FIP1L1: variants seen among roughly 807,000 people sequenced by gnomAD.
FIP1L1 encodes the protein factor interacting with PAPOLA and CPSF1.
FIP1L1 carries 21 observed loss-of-function variants against 84.6 expected under a neutral mutation model. That is an observed-to-expected ratio of 0.25 (90% confidence interval 0.18 to 0.36). The LOEUF (loss-of-function observed/expected upper bound fraction) is 0.36, where lower values mean the gene tolerates loss of function less well. Among genes scored for constraint, FIP1L1 ranks in the 10% least tolerant of loss-of-function variants. FIP1L1 has a pLI of 1.00. For missense variants in FIP1L1, 526 were observed against 751.1 expected (o/e 0.70, Z 3.50); for synonymous variants, 263 against 242.3 (o/e 1.09, Z -0.80).
chr4:53,396,153 A>G (rs112755837), intron 9 of FIP1L1, among the ~76,000 whole-genome samples: 2 of 152,030 alleles, frequency 1.3e-5, no homozygotes, highest in African/African-American at 4.8e-5. Context: ...TTCTGACCTC[A>G]GGTGATCCAC....
intron 10 of FIP1L1, among the ~76,000 whole-genome samples, chr4:53,407,586 G>T (rs529948029): frequency 6.6e-6 from 1 of 150,400 alleles, no homozygotes; most frequent in Non-Finnish European, 1.5e-5. Context: ...TGTCTCGTTG[G>T]TCTGTCTAAT....
At position 53,443,631 on chromosome 4, in the gene FIP1L1, A is replaced by G. The variant is rs1281164817; in HGVS notation, c.1230-417A>G. ...TTTAGTTTTATTGAGTGTCTGTTAGACACATTTATTTTCTCAGTCAAAATG... is the reference window on the plus strand; with the variant it reads ...TTTAGTTTTATTGAGTGTCTGTTAGGCACATTTATTTTCTCAGTCAAAATG... On this transcript the variant is annotated intron_variant, in intron 14 of 17. Coordinates refer to ENST00000337488, the MANE Select transcript of FIP1L1 (RefSeq NM_030917.4). Among the ~76,000 whole-genome samples, 18 of 152,140 alleles carry G rather than the reference A, an allele frequency of 1.2e-4. 1 individual carries two copies. The highest frequency in any genetic ancestry group is 1.2e-3 in the Admixed American group (18 of 15,274).
intron 13 of FIP1L1, among the ~76,000 whole-genome samples, chr4:53,435,457 A>G (rs1768709597): frequency 1.3e-5 from 2 of 152,142 alleles, no homozygotes; most frequent in African/African-American, 4.8e-5. Flanking sequence ...TTTCTTTACA[A>G]GTTCTCTATT....
chr4:53,416,244 T>G (rs958725913), intron 11 of FIP1L1, among the ~76,000 whole-genome samples: 1 of 152,214 alleles, frequency 6.6e-6, no homozygotes, highest in African/African-American at 2.4e-5. Flanking sequence ...GGACAGCCTA[T>G]TTACTGAACC....
At chr4:53,385,781 G>A (rs1296215532) in intron 5 of FIP1L1, among the ~76,000 whole-genome samples, 3 of 152,058 alleles carry the variant, frequency 2.0e-5, no homozygotes, top group Admixed American at 6.6e-5. Flanking sequence ...CCCTCTATGC[G>A]TTTACCCATT....
At position 53,399,754 on chromosome 4, in the gene FIP1L1, T is replaced by C; in HGVS notation, c.730T>C (p.Ser244Pro). ...GGTACAGCAGGGAAGAACTGGAAAC[T>C]CAGAGAAAGAAACTGCCCTTCCATC... ...FKVQQGRTGN[S>P]EKETALPSTK... Residue 244 changes from serine (S) to proline (P), a missense_variant, in exon 10 of 18, where the codon TCA (serine) becomes CCA (proline). Coordinates refer to ENST00000337488, the MANE Select transcript of FIP1L1 (RefSeq NM_030917.4). 5 of 1,613,144 alleles carry C rather than the reference T, an allele frequency of 3.1e-6. No homozygotes were observed. The highest frequency in any genetic ancestry group is 4.2e-6 in the Non-Finnish European group (5 of 1,179,318).
chr4:53,402,531 A>G (rs137932138), intron 10 of FIP1L1, among the ~76,000 whole-genome samples: 4 of 152,270 alleles, frequency 2.6e-5, no homozygotes, highest in Non-Finnish European at 2.9e-5. Flanking sequence ...GCAAAACCCC[A>G]TCTCAACTAA....
chr4:53,452,983 A>C lies in FIP1L1; in HGVS notation c.1349A>C (p.Gln450Pro). 1 of 1,613,796 alleles carries C rather than the reference A, an allele frequency of 6.2e-7. No homozygotes were observed. Residue 450 changes from glutamine (Q) to proline (P), a missense_variant, in exon 16 of 18, where the codon CAG becomes CCG. Gln to Pro is a moderately conservative substitution (Grantham distance 76). Transcript: ENST00000337488. ...SWPSLVDTSK[Q>P]WDYYARREKD... The stretch of plus-strand genomic sequence containing the variant: ...CCTAGTCTTGTGGACACCAGCAAGC[A>C]GTGGGACTATTATGCCAGAAGAGAG...
chr4:53,416,210 G>A (rs1157638346), intron 11 of FIP1L1, among the ~76,000 whole-genome samples: 1 of 152,018 alleles, frequency 6.6e-6, no homozygotes, highest in Non-Finnish European at 1.5e-5. Context: ...GAAACACTTG[G>A]GTTTATATTT....
At chr4:53,409,872 A>G (rs1341198160) in intron 10 of FIP1L1, among the ~76,000 whole-genome samples, 1 of 152,106 alleles carries the variant, frequency 6.6e-6, no homozygotes, top group Non-Finnish European at 1.5e-5. Flanking sequence ...GGAGTGACCC[A>G]ATTTTCCAGG....
At position 53,460,664 on chromosome 4, in the gene FIP1L1, A is replaced by AAAAT; in HGVS notation, c.*1217_*1220dup. ...TTTTAGGGCTTTTTATTGAATAGAA[A>AAAAT]AAATATAAACAATGTTGTAGAGTAA... is the stretch of plus-strand genomic sequence containing the variant. On this transcript the variant is annotated 3_prime_UTR_variant, in exon 18 of 18. Coordinates refer to ENST00000337488, the MANE Select transcript of FIP1L1 (RefSeq NM_030917.4). 2.6e-6 allele frequency: 1 copy of AAAAT among 391,862 alleles called. No individual in the cohort carries two copies. The highest frequency in any genetic ancestry group is 4.5e-6 in the Non-Finnish European group (1 of 223,742). 24.3% of individuals were successfully genotyped at this position (391,862 alleles called of 1,614,324 possible). A position where few individuals can be genotyped will look rare whatever the true frequency, so the allele number is the denominator to read the frequency against.
intron 16 of FIP1L1, among the ~76,000 whole-genome samples, chr4:53,457,367 A>G (rs901543406): frequency 3.9e-5 from 6 of 152,160 alleles, no homozygotes; most frequent in Non-Finnish European, 5.9e-5. Flanking sequence ...ATACAAAAGT[A>G]CATATTTATG....
Position 53,460,696 on chromosome 4 carries a change from A to C in FIP1L1, c.*1247A>C. The C allele has an allele frequency of 2.0e-6, 1 of 504,382 alleles. No individual in the cohort carries two copies. The highest frequency in any genetic ancestry group is 2.8e-5 in the South Asian group (1 of 35,638). 31.2% of individuals were successfully genotyped at this position (504,382 alleles called of 1,614,324 possible). ...AAACAATGTTGTAGAGTAATGAGAA[A>C]TCCTCCACACTGAAAAAAAACTAGT... On this transcript the variant is annotated 3_prime_UTR_variant, in exon 18 of 18. Transcript: ENST00000337488.
chr4:53,408,890 A>G (rs1328205675), intron 10 of FIP1L1, among the ~76,000 whole-genome samples: 5 of 151,668 alleles, frequency 3.3e-5, no homozygotes, highest in South Asian at 2.1e-4. Flanking sequence ...CTAGTTATAC[A>G]TTCTTCTAAA....
At chr4:53,391,181 G>A (rs368644927) in intron 8 of FIP1L1, 42 bp downstream of exon 8, 19 of 1,563,816 alleles carry the variant, frequency 1.2e-5, no homozygotes, top group East Asian at 4.5e-5. Flanking sequence ...CTTGTCTACC[G>A]TCCCACTTTT....
intron 9 of FIP1L1, among the ~76,000 whole-genome samples, chr4:53,396,405 A>T (rs1455913476): frequency 9.9e-6 from 1 of 100,588 alleles, no homozygotes; most frequent in Non-Finnish European, 2.6e-5. Flanking sequence ...TACAATTAGA[A>T]TCTTTTTTTT....
intron 4 of FIP1L1, among the ~76,000 whole-genome samples, chr4:53,382,980 G>GC (rs755668335): frequency 2.6e-5 from 4 of 151,276 alleles, no homozygotes; most frequent in Admixed American, 1.3e-4. Flanking sequence ...GAATAACTGA[G>GC]CTTCTACTTA....
intron 16 of FIP1L1, among the ~76,000 whole-genome samples, chr4:53,454,765 A>T (rs1718041943): frequency 6.6e-6 from 1 of 152,196 alleles, no homozygotes; most frequent in African/African-American, 2.4e-5. Flanking sequence ...GGAACAATGC[A>T]TTAGGAAACA....
intron 15 of FIP1L1, among the ~76,000 whole-genome samples, chr4:53,444,342 CT>C (rs1579063366): frequency 6.6e-6 from 1 of 152,136 alleles, no homozygotes; most frequent in East Asian, 1.9e-4. Context: ...TGTACTTTGC[CT>C]TTTCTAAAAG....
Sources: allele counts gnomAD v4.1 joint callset (sites outside exome capture counted in the v4.1 genomes callset), GRCh38; gene constraint gnomAD v4.1.1; transcripts MANE v1.5; gene names NCBI Gene and HGNC (gene_info 2026-07-23, HGNC 2026-07-21).